The following BTBD10 variants were observed in gnomAD, a reference collection of about 807,000 sequenced individuals.
BTBD10 encodes the protein BTB domain containing 10.
Under a neutral mutation model 53.2 loss-of-function variants are expected in BTBD10, and 21 were observed. That is an observed-to-expected ratio of 0.39 (90% CI 0.28 to 0.57). BTBD10 has a LOEUF of 0.57. BTBD10 is among the 20% of genes least tolerant of loss of function. The pLI, the probability that BTBD10 is intolerant of heterozygous loss-of-function variation, is 0.53. For synonymous variants in BTBD10, 149 were observed against 192.7 expected, an observed-to-expected ratio of 0.77 and a Z score of 1.88; for missense variants, 360 against 594.7, an observed-to-expected ratio of 0.61 and a Z score of 4.10.
intron 2 of BTBD10, 53 bp downstream of exon 2, chr11:13,444,971 A>G: frequency 7.1e-7 from 1 of 1,406,440 alleles, no homozygotes. Flanking sequence ...AGTATTCTTT[A>G]CAATCAGTTT....
At position 13,438,088 on chromosome 11, in the gene BTBD10, T is replaced by G. The variant is rs185814650; in HGVS notation, c.101+6936A>C. Among the ~76,000 whole-genome samples, 29 of 152,252 alleles carry G rather than the reference T, an allele frequency of 1.9e-4. 1 individual carries two copies. The highest frequency in any genetic ancestry group is 1.6e-3 in the Admixed American group (24 of 15,290). On this transcript the variant is annotated intron_variant, in intron 2 of 8. Coordinates refer to ENST00000278174, the MANE Select transcript of BTBD10 (RefSeq NM_032320.7). ...TGACAAAGAAGCTTCAAGAGCTAGA[T>G]TTTTCCCTCTCATTGTCATGCATTA...
intron 4 of BTBD10, among the ~76,000 whole-genome samples, chr11:13,417,986 T>C (rs1191533008): frequency 1.3e-5 from 2 of 152,106 alleles, no homozygotes; most frequent in African/African-American, 4.8e-5. Flanking sequence ...ATTTCCAAAA[T>C]ATGTCCTAAA....
chr11:13,389,368 A>G (rs916239731), intron 8 of BTBD10, among the ~76,000 whole-genome samples: 1 of 152,060 alleles, frequency 6.6e-6, no homozygotes, highest in Non-Finnish European at 1.5e-5. Flanking sequence ...CAATATATCA[A>G]CCATCAAAAA....
At chr11:13,393,295 C>A (rs1949453633) in intron 8 of BTBD10, among the ~76,000 whole-genome samples, 1 of 152,206 alleles carries the variant, frequency 6.6e-6, no homozygotes, top group African/African-American at 2.4e-5. Flanking sequence ...CCTTTTCTCA[C>A]ATATCCAAGT....
intron 6 of BTBD10, among the ~76,000 whole-genome samples, chr11:13,406,553 G>T (rs56105729): frequency 0.066 from 9,716 of 147,420 alleles, 425 homozygotes; most frequent in Non-Finnish European, 0.095. Context: ...GCAACCATAC[G>T]CATGAGTGAG....
At chr11:13,392,874 T>C (rs1949444539) in intron 8 of BTBD10, among the ~76,000 whole-genome samples, 1 of 152,214 alleles carries the variant, frequency 6.6e-6, no homozygotes, top group Non-Finnish European at 1.5e-5. Flanking sequence ...CCAATTACTC[T>C]GACAGAAGAG....
At chr11:13,419,062 G>A (rs560324455) in intron 4 of BTBD10, among the ~76,000 whole-genome samples, 8 of 137,002 alleles carry the variant, frequency 5.8e-5, no homozygotes, top group Admixed American at 4.0e-4. Flanking sequence ...TTTTTTTTCC[G>A]CCTTTAAACA....
At chr11:13,393,937 A>G (rs1239975121) in intron 8 of BTBD10, among the ~76,000 whole-genome samples, 1 of 152,224 alleles carries the variant, frequency 6.6e-6, no homozygotes, top group African/African-American at 2.4e-5. Context: ...AGAGATAATG[A>G]TAGCTAACCA....
At chr11:13,392,314 G>C (rs1490225501) in intron 8 of BTBD10, among the ~76,000 whole-genome samples, 3 of 152,218 alleles carry the variant, frequency 2.0e-5, no homozygotes, top group Non-Finnish European at 4.4e-5. Context: ...AGAAACAAGG[G>C]GAGTGCAAGG....
At chr11:13,451,142 G>A (rs1239686045) in intron 1 of BTBD10, among the ~76,000 whole-genome samples, 2 of 152,114 alleles carry the variant, frequency 1.3e-5, no homozygotes, top group East Asian at 1.9e-4. Context: ...CAAATCCCTG[G>A]CTGATAGCTA....
At chr11:13,415,158 G>A (rs1175580397) in intron 5 of BTBD10, among the ~76,000 whole-genome samples, 2 of 140,968 alleles carry the variant, frequency 1.4e-5, no homozygotes, top group African/African-American at 5.3e-5. Context: ...TTGTTACCTA[G>A]GCTGGAGTGC....
intron 3 of BTBD10, among the ~76,000 whole-genome samples, chr11:13,420,557 A>C (rs1292477551): frequency 6.6e-6 from 1 of 152,192 alleles, no homozygotes; most frequent in Non-Finnish European, 1.5e-5. Context: ...TCATTTAGAG[A>C]CTAGATCACT....
At chr11:13,412,379 G>T (rs1949976642) in intron 6 of BTBD10, among the ~76,000 whole-genome samples, 1 of 152,112 alleles carries the variant, frequency 6.6e-6, no homozygotes, top group Admixed American at 6.5e-5. Context: ...CTTGAACTCA[G>T]GAAGCAGAGG....
At chr11:13,436,817 T>G (rs890854353) in intron 2 of BTBD10, among the ~76,000 whole-genome samples, 2 of 152,206 alleles carry the variant, frequency 1.3e-5, no homozygotes, top group Admixed American at 6.5e-5. Context: ...AGTCTCACTC[T>G]GTCATCCAGA....
intron 2 of BTBD10, among the ~76,000 whole-genome samples, chr11:13,424,287 A>G (rs577782966): frequency 6.6e-6 from 1 of 152,208 alleles, no homozygotes; most frequent in Non-Finnish European, 1.5e-5. Context: ...AAGCAGACTG[A>G]GTAATTAAAA....
chr11:13,414,844 G>GAA lies in BTBD10; in HGVS notation c.688-1196_688-1195dup, dbSNP rs71041526. Among the ~76,000 whole-genome samples, 466 of 85,074 alleles carry GAA rather than the reference G, an allele frequency of 5.5e-3. 15 individuals are homozygous for GAA. Among genetic ancestry groups the GAA allele is most frequent in the Middle Eastern group, 0.01 (1 of 100 alleles). The allele number at this position is 85,074 out of a possible 152,430, so 55.8% of individuals were successfully genotyped here. A position where few individuals can be genotyped will look rare whatever the true frequency, so the allele number is the denominator to read the frequency against. ...GACGGAGCGAGCCTCCATCTCAAAC[G>GAA]AAAAAAAAAAAAAAAAAAAAAGAAA... On this transcript the variant is annotated intron_variant, in intron 5 of 8. Transcript: ENST00000278174.
Position 13,440,355 on chromosome 11 carries a change from G to A in BTBD10, c.101+4669C>T, listed in dbSNP as rs902217498. 34 of 1,040,308 alleles carry A rather than the reference G, an allele frequency of 3.3e-5. No individual in the cohort carries two copies. In the South Asian group the frequency reaches 5.4e-4, roughly 17 times the overall value. The allele number at this position is 1,040,308 out of a possible 1,614,324, so 64.4% of individuals were successfully genotyped here. A position where few individuals can be genotyped will look rare whatever the true frequency, so the allele number is the denominator to read the frequency against. On this transcript the variant is annotated intron_variant, in intron 2 of 8. Transcript: ENST00000278174. ...AATTGATAGACAGGCATAACAAAAC[G>A]CAGGAGTTGAGGGCTTAGAGATATG...
chr11:13,406,233 A>C (rs1227844938), intron 6 of BTBD10, among the ~76,000 whole-genome samples: 2 of 152,128 alleles, frequency 1.3e-5, no homozygotes, highest in Non-Finnish European at 2.9e-5. Context: ...TTGAGAGGTG[A>C]GCTGAAAAGG....
At position 13,399,273 on chromosome 11, in the gene BTBD10, T is replaced by C. The variant is rs1374449577; in HGVS notation, c.1117+3895A>G. Among the ~76,000 whole-genome samples the C allele has an allele frequency of 2.6e-5, 4 of 152,184 alleles. No homozygotes were observed. The East Asian group carries it at 7.7e-4, about 29-fold the overall frequency. On this transcript the variant is annotated intron_variant, in intron 8 of 8. Transcript: ENST00000278174. ...TTTTATTCTTTTTTCTCTAAACTTC[T>C]CTTCACGCTTCATTTCATTCATTTT...
Sources: allele counts gnomAD v4.1 joint callset (sites outside exome capture counted in the v4.1 genomes callset), GRCh38; gene constraint gnomAD v4.1.1; transcripts MANE v1.5; gene names NCBI Gene and HGNC (gene_info 2026-07-23, HGNC 2026-07-21).